Variants in TRIP12 observed in about 807,000 individuals in gnomAD.
TRIP12 encodes the protein thyroid hormone receptor interactor 12.
Under a neutral mutation model 244.2 loss-of-function variants are expected in TRIP12, and 25 were observed. The observed-to-expected ratio is 0.10, with a 90% CI of 0.07 to 0.14. TRIP12 has a LOEUF of 0.14. Among genes scored for constraint, TRIP12 ranks in the 10% least tolerant of loss-of-function variants. The probability of loss-of-function intolerance (pLI) is 1.00; values close to 1 mark genes in which losing one functional copy is unlikely to be tolerated. For missense variants in TRIP12, 1,677 were observed against 2,486.4 expected (o/e 0.67, Z 6.92); for synonymous variants, 905 against 873.1 (o/e 1.04, Z -0.64).
intron 1 of TRIP12, among the ~76,000 whole-genome samples, chr2:229,914,068 G>A (rs1400386894): frequency 6.6e-6 from 1 of 152,036 alleles, no homozygotes; most frequent in African/African-American, 2.4e-5. Context: ...AGGAGTTGGA[G>A]ACCAGTCTAC....
chr2:229,831,874 G>GGTTTTTT, intron 6 of TRIP12, among the ~76,000 whole-genome samples: 1 of 143,532 alleles, frequency 7.0e-6, no homozygotes, highest in African/African-American at 2.7e-5. Context: ...GGTTTTTTTT[G>GGTTTTTT]TTTGTTTTTT....
chr2:229,851,934 C>G (rs1305131701), intron 4 of TRIP12, among the ~76,000 whole-genome samples: 1 of 152,210 alleles, frequency 6.6e-6, no homozygotes, highest in Non-Finnish European at 1.5e-5. Context: ...TCCACCAATT[C>G]CGGACACAAA....
chr2:229,840,759 G>GA, intron 5 of TRIP12, 63 bp downstream of exon 5: 18 of 1,141,888 alleles, frequency 1.6e-5, no homozygotes, highest in Non-Finnish European at 2.2e-5. Context: ...GTATTTTGAT[G>GA]AAAGTTGAAA....
chr2:229,914,620 T>G (rs1320893913), intron 1 of TRIP12, among the ~76,000 whole-genome samples: 1 of 152,240 alleles, frequency 6.6e-6, no homozygotes, highest in Non-Finnish European at 1.5e-5. Context: ...AATCTTTAAA[T>G]TAAGTTCATC....
At chr2:229,872,259 ATC>A (rs1163228238) in intron 2 of TRIP12, among the ~76,000 whole-genome samples, 5 of 152,048 alleles carry the variant, frequency 3.3e-5, no homozygotes, top group African/African-American at 1.2e-4. Context: ...CGAGACCCCC[ATC>A]TCTCTTTTAA....
At chr2:229,781,406 G>C (rs2038120287) in intron 34 of TRIP12, among the ~76,000 whole-genome samples, 1 of 152,226 alleles carries the variant, frequency 6.6e-6, no homozygotes, top group South Asian at 2.1e-4. Context: ...TTCACACATT[G>C]CAGCTCATTT....
chr2:229,867,567 T>C (rs898723962), intron 2 of TRIP12, among the ~76,000 whole-genome samples: 9 of 152,178 alleles, frequency 5.9e-5, no homozygotes, highest in African/African-American at 2.2e-4. Context: ...TTTTTCTCTC[T>C]GTATTACAAG....
Position 229,778,838 on chromosome 2 carries a change from G to A in TRIP12, c.5209+38C>T. 3 of 1,570,248 alleles carry A rather than the reference G, an allele frequency of 1.9e-6. No homozygotes were observed. Among genetic ancestry groups the A allele is most frequent in the East Asian group, 2.2e-5 (1 of 44,658 alleles). On this transcript the variant is annotated intron_variant, in intron 35 of 41. Transcript: ENST00000675903. The surrounding 1 kb of genome is among the most constrained non-coding windows in gnomAD (Gnocchi z 4.1). ...ACTGTCAGAGTCCATTACCTGATCTGAGTAACACAAACCAACTAACTTACA... is the reference window on the plus strand; with the variant it reads ...ACTGTCAGAGTCCATTACCTGATCTAAGTAACACAAACCAACTAACTTACA...
At chr2:229,784,579 T>C (rs1312845117) in intron 34 of TRIP12, among the ~76,000 whole-genome samples, 1 of 150,160 alleles carries the variant, frequency 6.7e-6, no homozygotes, top group Non-Finnish European at 1.5e-5. Flanking sequence ...AAAGACATTT[T>C]ATAAATAAAT....
intron 34 of TRIP12, among the ~76,000 whole-genome samples, chr2:229,784,949 T>C (rs1201834915): frequency 6.6e-6 from 1 of 152,194 alleles, no homozygotes; most frequent in African/African-American, 2.4e-5. Flanking sequence ...AGTAAAAACA[T>C]GTGTCTCCAC....
At chr2:229,824,765 A>AT (rs1364104357) in intron 8 of TRIP12, among the ~76,000 whole-genome samples, 7 of 152,230 alleles carry the variant, frequency 4.6e-5, no homozygotes, top group Non-Finnish European at 8.8e-5. Context: ...ATATTTATGG[A>AT]TTTTTTAAAG....
intron 21 of TRIP12, 57 bp downstream of exon 21, chr2:229,802,195 G>T: frequency 7.1e-7 from 1 of 1,404,028 alleles, no homozygotes; most frequent in South Asian, 1.4e-5. Flanking sequence ...TGATTCTTAG[G>T]TACCAAAGCA....
rs2041446705 is a variant in TRIP12, at chr2:229,791,249, T to C, written c.4418A>G (p.Tyr1473Cys). The C allele has an allele frequency of 6.2e-7, 1 of 1,613,916 alleles. No individual in the cohort carries two copies. Among genetic ancestry groups the C allele is most frequent in the Non-Finnish European group, 8.5e-7 (1 of 1,179,940 alleles). ...GIWTKTHTIW[Y>C]KPVREDEESN... is the part of the protein sequence containing the mutation. ...TTCTTCATCCTCTCTCACAGGTTTA[T>C]ACCTAAAATGACAAGACAGTATATA... The change falls in exon 30 of 42, where the codon TAT becomes TGT. Residue 1473 changes from tyrosine (Y) to cysteine (C), a missense_variant and splice_region_variant. Physicochemically the swap from Tyr to Cys is radical, Grantham distance 194. Around this residue, in one of 11 missense-constraint regions of TRIP12, gnomAD observed 265 missense variants for 370.8 expected, o/e 0.71. Coordinates refer to ENST00000675903, the MANE Select transcript of TRIP12 (RefSeq NM_001348323.3).
chr2:229,814,401 T>C, intron 11 of TRIP12, 76 bp from the exon 12 acceptor site: 1 of 1,433,284 alleles, frequency 7.0e-7, no homozygotes, highest in Non-Finnish European at 9.8e-7. Flanking sequence ...ACATATTTTC[T>C]CTAATTTACA....
chr2:229,858,442 T>C lies in TRIP12; in HGVS notation c.1027+330A>G, dbSNP rs530969600. Among the ~76,000 whole-genome samples the C allele has an allele frequency of 6.6e-5, 10 of 152,312 alleles. No homozygotes were observed. In the South Asian group the frequency reaches 2.1e-3, roughly 32 times the overall value. ...CTCCTAACTAAATGATAATTTTGTA[T>C]GTGGTATAGAAGAAAATCCAACTTT... On this transcript the variant is annotated intron_variant, in intron 4 of 41. Transcript: ENST00000675903.
chr2:229,886,736 G>C (rs2066108729), intron 1 of TRIP12, among the ~76,000 whole-genome samples: 1 of 152,022 alleles, frequency 6.6e-6, no homozygotes, highest in Non-Finnish European at 1.5e-5. Flanking sequence ...CAAAGTGCTG[G>C]GATTACAGGC....
chr2:229,825,519 G>A (rs999975425), intron 8 of TRIP12, among the ~76,000 whole-genome samples: 1 of 152,328 alleles, frequency 6.6e-6, no homozygotes. Flanking sequence ...GGCTGGGGAG[G>A]CCTCAGGAAA....
chr2:229,908,510 C>T (rs986610239), intron 1 of TRIP12, among the ~76,000 whole-genome samples: 7 of 151,478 alleles, frequency 4.6e-5, no homozygotes, highest in Non-Finnish European at 8.8e-5. Flanking sequence ...TTTGGGAGGC[C>T]GAGGCAGGCG....
At chr2:229,836,794 A>C in intron 6 of TRIP12, 54 bp downstream of exon 6, 1 of 1,553,924 alleles carries the variant, frequency 6.4e-7, no homozygotes, top group Middle Eastern at 1.7e-4. Flanking sequence ...CCCTCTGCCC[A>C]TCAAATCTGT....
Sources: allele counts gnomAD v4.1 joint callset (sites outside exome capture counted in the v4.1 genomes callset), GRCh38; gene constraint gnomAD v4.1.1; regional missense constraint gnomAD v4.1.1; non-coding constraint Gnocchi (gnomAD v3.1); transcripts MANE v1.5; gene names NCBI Gene and HGNC (gene_info 2026-07-23, HGNC 2026-07-21).